Variants in SARNP observed in about 807,000 individuals in gnomAD.
The protein encoded by SARNP is SAP domain-containing ribonucleoprotein.
SARNP carries 5 observed loss-of-function variants against 38.1 expected under a neutral mutation model. The observed-to-expected ratio is 0.13, with a 90% confidence interval of 0.07 to 0.28. SARNP has a LOEUF of 0.28. Ranked by LOEUF, SARNP falls within the 10% of genes least tolerant of loss-of-function variation. The pLI is 1.00. For missense variants in SARNP, 180 were observed against 243.9 expected, an observed-to-expected ratio of 0.74 and a Z score of 1.75; for synonymous variants, 84 against 80.6, an observed-to-expected ratio of 1.04 and a Z score of -0.23.
At chr12:55,773,751 C>T (rs1453807842) in intron 9 of SARNP, among the ~76,000 whole-genome samples, 2 of 152,182 alleles carry the variant, frequency 1.3e-5, no homozygotes, top group Non-Finnish European at 2.9e-5. Flanking sequence ...GCTCTTGTCG[C>T]CCAGGCTGGA....
At chr12:55,783,849 T>G (rs1879410616) in intron 9 of SARNP, among the ~76,000 whole-genome samples, 1 of 151,902 alleles carries the variant, frequency 6.6e-6, no homozygotes, top group African/African-American at 2.4e-5. Context: ...TCCCAGCACT[T>G]TGGGAGGTTG....
At chr12:55,759,945 C>T (rs1011006055) in intron 10 of SARNP, among the ~76,000 whole-genome samples, 10 of 151,886 alleles carry the variant, frequency 6.6e-5, no homozygotes, top group Non-Finnish European at 1.3e-4. Context: ...TCCATGTTGC[C>T]CAGGCTGGTC....
At chr12:55,789,815 G>A (rs1198362557) in intron 8 of SARNP, among the ~76,000 whole-genome samples, 1 of 151,740 alleles carries the variant, frequency 6.6e-6, no homozygotes, top group Non-Finnish European at 1.5e-5. Context: ...ATGGTGGCGG[G>A]CACCTGTAAT....
At chr12:55,781,114 A>G (rs566179929) in intron 9 of SARNP, among the ~76,000 whole-genome samples, 75 of 152,352 alleles carry the variant, frequency 4.9e-4, no homozygotes, top group African/African-American at 1.6e-3. Flanking sequence ...ACAGAATACA[A>G]TAGGCCCTCC....
intron 5 of SARNP, 127 bp from the exon 6 acceptor site, chr12:55,795,007 T>C (rs1230859251): frequency 8.8e-6 from 5 of 566,192 alleles, no homozygotes; most frequent in Non-Finnish European, 1.5e-5. Context: ...TCCCCCAGCC[T>C]GGAGTGCAGT....
chr12:55,804,652 T>C (rs13378024), intron 1 of SARNP, among the ~76,000 whole-genome samples: 4,931 of 152,188 alleles, frequency 0.032, 270 homozygotes, highest in African/African-American at 0.11. Flanking sequence ...AACTGAAATA[T>C]AGACTCCATA....
intron 10 of SARNP, among the ~76,000 whole-genome samples, chr12:55,758,753 C>G (rs2136174688): frequency 6.6e-6 from 1 of 152,248 alleles, no homozygotes; most frequent in Admixed American, 6.5e-5. Context: ...TGATTGTAAG[C>G]TTCCTGAGGC....
intron 9 of SARNP, among the ~76,000 whole-genome samples, chr12:55,770,535 A>G (rs1878977322): frequency 6.6e-6 from 1 of 151,792 alleles, no homozygotes; most frequent in Non-Finnish European, 1.5e-5. Context: ...CACCACGCCC[A>G]GCCTATAACT....
chr12:55,768,494 G>A (rs968620160), intron 9 of SARNP, among the ~76,000 whole-genome samples: 3 of 151,114 alleles, frequency 2.0e-5, no homozygotes, highest in African/African-American at 7.3e-5. Context: ...GCGCGATCTC[G>A]GCTCACTGCA....
chr12:55,793,981 A>T (rs1388060900), intron 7 of SARNP: 1 of 203,126 alleles, frequency 4.9e-6, no homozygotes, highest in East Asian at 1.6e-4. Context: ...CCTAGAAGTA[A>T]AACTGTTAAG....
intron 9 of SARNP, chr12:55,760,899 G>T (rs547836683): frequency 3.9e-5 from 14 of 363,418 alleles, no homozygotes; most frequent in African/African-American, 2.9e-4. Context: ...GTAAGAGGCC[G>T]GGCACGGTGA....
intron 9 of SARNP, among the ~76,000 whole-genome samples, chr12:55,777,533 C>T (rs888390432): frequency 2.0e-5 from 3 of 151,980 alleles, no homozygotes; most frequent in Non-Finnish European, 4.4e-5. Context: ...TGCCACCATG[C>T]GCTGCTAATT....
At chr12:55,794,998 C>G in intron 5 of SARNP, 118 bp from the exon 6 acceptor site, 1 of 597,772 alleles carries the variant, frequency 1.7e-6, no homozygotes, top group South Asian at 2.2e-5. Flanking sequence ...CTCACTCTGT[C>G]CCCCAGCCTG....
intron 9 of SARNP, among the ~76,000 whole-genome samples, chr12:55,784,647 C>T (rs1359634032): frequency 6.6e-6 from 1 of 152,210 alleles, no homozygotes; most frequent in African/African-American, 2.4e-5. Flanking sequence ...ATAATTTCTA[C>T]GCCACTCACA....
intron 1 of SARNP, among the ~76,000 whole-genome samples, chr12:55,804,267 A>T (rs973016221): frequency 6.6e-6 from 1 of 152,166 alleles, no homozygotes; most frequent in Admixed American, 6.5e-5. Context: ...AATGGGAAGA[A>T]ATATCTAATG....
chr12:55,803,610 G>T lies in SARNP; in HGVS notation c.136+19C>A. On this transcript the variant is annotated intron_variant, in intron 2 of 10. Coordinates refer to ENST00000336133, the MANE Select transcript of SARNP (RefSeq NM_033082.4). Reference sequence around the variant, plus strand: ...AAAATCCCCTCACTCACATCACTCCGCCTCCACAAAGTACTCACCATGTTC... The same window carrying T: ...AAAATCCCCTCACTCACATCACTCCTCCTCCACAAAGTACTCACCATGTTC... 1.4e-6 allele frequency: 2 copies of T among 1,475,096 alleles called. No individual in the cohort carries two copies. The highest frequency in any genetic ancestry group is 1.9e-6 in the Non-Finnish European group (2 of 1,070,076). The allele number at this position is 1,475,096 out of a possible 1,614,324, so 91.4% of individuals were successfully genotyped here.
intron 2 of SARNP, 126 bp downstream of exon 2, chr12:55,803,503 T>G: frequency 1.6e-5 from 8 of 506,770 alleles, no homozygotes; most frequent in South Asian, 3.8e-5. Flanking sequence ...AAAGAGAGAG[T>G]TTTCTTGATG....
chr12:55,773,941 C>G (rs1879085331), intron 9 of SARNP, among the ~76,000 whole-genome samples: 1 of 152,100 alleles, frequency 6.6e-6, no homozygotes, highest in African/African-American at 2.4e-5. Flanking sequence ...CTCCTGACCT[C>G]AAGTGATCCA....
intron 1 of SARNP, among the ~76,000 whole-genome samples, chr12:55,811,462 G>A (rs1452406670): frequency 6.6e-6 from 1 of 152,048 alleles, no homozygotes; most frequent in Non-Finnish European, 1.5e-5. Flanking sequence ...CCTACTGGGT[G>A]GGAGCAGGGG....
Sources: gnomAD v4.1 joint callset for allele counts (sites outside exome capture counted in the v4.1 genomes callset) on GRCh38, gnomAD v4.1.1 for gene constraint, MANE v1.5 for transcripts, NCBI Gene and HGNC (gene_info 2026-07-23, HGNC 2026-07-21) for gene names.